ITGA9: variants seen among roughly 807,000 people sequenced by gnomAD.
ITGA9 encodes integrin alpha-9.
In ITGA9, 56 loss-of-function variants were observed where a neutral mutation model predicts 127.8. That is an observed-to-expected ratio of 0.44 (90% CI 0.35 to 0.55). ITGA9 has a LOEUF of 0.55. ITGA9 is among the 20% of genes least tolerant of loss of function. ITGA9 has a pLI of 0.00. For missense variants in ITGA9, 1,196 were observed against 1,347.1 expected (o/e 0.89, Z 1.76); for synonymous variants, 508 against 514.5 (o/e 0.99, Z 0.17).
chr3:37,641,376 C>T (rs1700332050), intron 16 of ITGA9, among the ~76,000 whole-genome samples: 1 of 152,152 alleles, frequency 6.6e-6, no homozygotes, highest in South Asian at 2.1e-4. Flanking sequence ...GAACACTGGT[C>T]TAAGGGTTCT....
intron 17 of ITGA9, among the ~76,000 whole-genome samples, chr3:37,661,167 G>A (rs1402806177): frequency 2.0e-5 from 3 of 152,194 alleles, no homozygotes; most frequent in Non-Finnish European, 2.9e-5. Flanking sequence ...CAGCAAGGTA[G>A]CCCTGTCTCT....
chr3:37,471,595 G>A (rs1698431756), intron 2 of ITGA9, among the ~76,000 whole-genome samples: 1 of 152,210 alleles, frequency 6.6e-6, no homozygotes, highest in Non-Finnish European at 1.5e-5. Flanking sequence ...GGAGAGTGGA[G>A]CACAGGAGGG....
At chr3:37,498,058 G>A (rs183181096) in intron 5 of ITGA9, among the ~76,000 whole-genome samples, 106 of 152,322 alleles carry the variant, frequency 7.0e-4, no homozygotes, top group African/African-American at 2.4e-3. Flanking sequence ...GAGCTGTGGG[G>A]TAGAGGAAGG....
At chr3:37,760,850 TACATC>T (rs927066113) in intron 23 of ITGA9, among the ~76,000 whole-genome samples, 1 of 152,148 alleles carries the variant, frequency 6.6e-6, no homozygotes, top group African/African-American at 2.4e-5. Flanking sequence ...GTGATCAAAA[TACATC>T]ATAAGGGAAA....
intron 15 of ITGA9, among the ~76,000 whole-genome samples, chr3:37,552,028 G>A (rs576050691): frequency 5.9e-5 from 9 of 152,350 alleles, no homozygotes; most frequent in Middle Eastern, 3.4e-3. Context: ...AATGAAAGTC[G>A]TGTTTGGGTG....
chr3:37,649,566 A>T (rs1205659418), intron 16 of ITGA9, among the ~76,000 whole-genome samples: 1 of 152,252 alleles, frequency 6.6e-6, no homozygotes, highest in African/African-American at 2.4e-5. Context: ...ACCTAAGTAT[A>T]TACAACACTG....
At chr3:37,453,254 C>G (rs1482357538) in intron 1 of ITGA9, among the ~76,000 whole-genome samples, 5 of 152,262 alleles carry the variant, frequency 3.3e-5, no homozygotes, top group African/African-American at 1.2e-4. Context: ...CTTGGGAGAG[C>G]CTGAGTCTCA....
intron 26 of ITGA9, among the ~76,000 whole-genome samples, chr3:37,795,988 G>A (rs56995874): frequency 0.02 from 3,085 of 152,144 alleles, 97 homozygotes; most frequent in African/African-American, 0.071. Context: ...TCCTCTTAAG[G>A]TAAAGCATGG....
intron 18 of ITGA9, among the ~76,000 whole-genome samples, chr3:37,701,025 C>T (rs138062783): frequency 6.2e-4 from 95 of 152,320 alleles, no homozygotes; most frequent in African/African-American, 2.0e-3. Flanking sequence ...GGTGCTGGAA[C>T]TCATCACTGA....
chr3:37,541,584 CTG>C (rs1699270540), intron 14 of ITGA9, among the ~76,000 whole-genome samples: 1 of 151,990 alleles, frequency 6.6e-6, no homozygotes, highest in South Asian at 2.1e-4. Context: ...AAATTCAAGA[CTG>C]TGTTACAAAA....
At chr3:37,670,263 G>A (rs914202583) in intron 17 of ITGA9, among the ~76,000 whole-genome samples, 2 of 152,144 alleles carry the variant, frequency 1.3e-5, no homozygotes, top group Non-Finnish European at 2.9e-5. Flanking sequence ...AGTTTCTAAT[G>A]TCTTCTTATA....
At chr3:37,510,298 C>T (rs1458889137) in intron 8 of ITGA9, among the ~76,000 whole-genome samples, 1 of 152,178 alleles carries the variant, frequency 6.6e-6, no homozygotes, top group Admixed American at 6.5e-5. Context: ...GCCACCGCAC[C>T]TGGCCAAGGA....
chr3:37,513,467 G>A (rs745319259), intron 8 of ITGA9, among the ~76,000 whole-genome samples: 7 of 151,870 alleles, frequency 4.6e-5, no homozygotes, highest in Non-Finnish European at 8.8e-5. Context: ...TTAAGTTTTA[G>A]GGTACATGTG....
intron 23 of ITGA9, among the ~76,000 whole-genome samples, chr3:37,774,187 C>A (rs1285066553): frequency 6.6e-6 from 1 of 152,202 alleles, no homozygotes; most frequent in Non-Finnish European, 1.5e-5. Context: ...CTGCTCCCCA[C>A]ATCAACAGCT....
In ITGA9 at chr3:37,629,265, G is replaced by C. The variant is rs1284682280; in HGVS notation, c.1768G>C (p.Glu590Gln). 2.5e-6 allele frequency: 4 copies of C among 1,613,932 alleles called. No homozygotes were observed. Among genetic ancestry groups the C allele is most frequent in the Non-Finnish European group, 3.4e-6 (4 of 1,180,024 alleles). The change falls in exon 16 of 28, where the codon GAG becomes CAG. Residue 590 changes from glutamate (E) to glutamine (Q), a missense_variant. Coordinates refer to ENST00000264741, the MANE Select transcript of ITGA9 (RefSeq NM_002207.3). The surrounding 1 kb of genome is among the most constrained non-coding windows in gnomAD (Gnocchi z 4.5). ...SLSEHVTGEE[E>Q]RELPPLTPVL... is the part of the protein sequence containing the mutation. The stretch of plus-strand genomic sequence containing the variant: ...CAGTGAGCATGTGACTGGAGAGGAG[G>C]AGAGGGAACTGCCGCCTCTGACACC...
chr3:37,749,530 A>C (rs753000636), intron 22 of ITGA9: 1 of 151,922 alleles, frequency 6.6e-6, no homozygotes, highest in Non-Finnish European at 1.5e-5. Flanking sequence ...CTAGAGATCT[A>C]CTCACTTTTT....
chr3:37,752,641 G>C (rs1468505218), intron 23 of ITGA9, among the ~76,000 whole-genome samples: 1 of 152,172 alleles, frequency 6.6e-6, no homozygotes, highest in African/African-American at 2.4e-5. Context: ...TCGCCCTATG[G>C]GCCCTGGGCT....
intron 17 of ITGA9, among the ~76,000 whole-genome samples, chr3:37,664,372 A>G (rs1175596726): frequency 6.6e-6 from 1 of 150,914 alleles, no homozygotes; most frequent in African/African-American, 2.4e-5. Flanking sequence ...GACACAAGCA[A>G]TCTGTCCTGC....
intron 23 of ITGA9, among the ~76,000 whole-genome samples, chr3:37,768,840 C>T (rs1338006412): frequency 5.3e-5 from 8 of 151,644 alleles, no homozygotes; most frequent in Non-Finnish European, 8.8e-5. Context: ...AGCCGTGGCT[C>T]ATGGGGAACA....
Sources: gnomAD v4.1 joint callset for allele counts (sites outside exome capture counted in the v4.1 genomes callset) on GRCh38, gnomAD v4.1.1 for gene constraint, Gnocchi (gnomAD v3.1) non-coding constraint, MANE v1.5 for transcripts, NCBI Gene and HGNC (gene_info 2026-07-23, HGNC 2026-07-21) for gene names.